ESYT2: variants seen among roughly 807,000 people sequenced by gnomAD.
The protein encoded by ESYT2 is extended synaptotagmin 2.
Under a neutral mutation model 107.2 loss-of-function variants are expected in ESYT2, and 54 were observed. The observed-to-expected ratio is 0.50, with a 90% CI of 0.40 to 0.63. ESYT2 has a LOEUF of 0.63. Ranked by LOEUF, ESYT2 falls within the 30% of genes least tolerant of loss-of-function variation. ESYT2 has a pLI of 0.00. For missense variants in ESYT2, 1,020 were observed against 1,094.5 expected (o/e 0.93, Z 0.96); for synonymous variants, 491 against 434.1 (o/e 1.13, Z -1.63).
intron 7 of ESYT2, among the ~76,000 whole-genome samples, chr7:158,768,130 G>T (rs1838227987): frequency 6.6e-6 from 1 of 152,082 alleles, no homozygotes. Context: ...CTTCATCACA[G>T]ATTTTATACT....
intron 13 of ESYT2, among the ~76,000 whole-genome samples, chr7:158,758,659 G>A (rs760867279): frequency 2.6e-5 from 4 of 152,230 alleles, no homozygotes; most frequent in South Asian, 2.1e-4. Flanking sequence ...CAACAAAAGC[G>A]GCTGTGGACA....
chr7:158,782,963 G>T (rs1838969990), intron 6 of ESYT2, among the ~76,000 whole-genome samples: 1 of 152,212 alleles, frequency 6.6e-6, no homozygotes, highest in South Asian at 2.1e-4. Flanking sequence ...CACCAGCAGG[G>T]CCCGATAAAG....
chr7:158,803,673 A>G (rs1839711562), intron 1 of ESYT2, among the ~76,000 whole-genome samples: 2 of 152,218 alleles, frequency 1.3e-5, no homozygotes, highest in Admixed American at 1.3e-4. Context: ...ACAGCACAAC[A>G]AAAGGGAGTC....
chr7:158,748,101 C>T (rs531475124), intron 16 of ESYT2, 93 bp downstream of exon 16: 1 of 1,122,672 alleles, frequency 8.9e-7, no homozygotes, highest in South Asian at 1.3e-5. Context: ...GATGGATCCC[C>T]AGGTGTATAC....
intron 7 of ESYT2, among the ~76,000 whole-genome samples, chr7:158,769,641 C>T (rs1462746703): frequency 6.6e-6 from 1 of 152,196 alleles, no homozygotes; most frequent in Admixed American, 6.5e-5. Context: ...CAACACTCAG[C>T]TTAGAGACGC....
intron 15 of ESYT2, among the ~76,000 whole-genome samples, 192 bp from the exon 16 acceptor site, chr7:158,748,472 A>T (rs1837477510): frequency 6.6e-6 from 1 of 152,214 alleles, no homozygotes; most frequent in Non-Finnish European, 1.5e-5. Flanking sequence ...TTGATGGTGG[A>T]TGTGTTGAAA....
At chr7:158,770,183 G>A (rs1043025240) in intron 7 of ESYT2, among the ~76,000 whole-genome samples, 7 of 151,822 alleles carry the variant, frequency 4.6e-5, no homozygotes, top group African/African-American at 1.2e-4. Flanking sequence ...GAGCCACCGC[G>A]TTCAGCCTCA....
At chr7:158,805,170 C>T (rs1388290891) in intron 1 of ESYT2, among the ~76,000 whole-genome samples, 1 of 152,088 alleles carries the variant, frequency 6.6e-6, no homozygotes, top group African/African-American at 2.4e-5. Context: ...AATTTGGTAC[C>T]AACACAAATT....
At chr7:158,811,478 C>A (rs1406143784) in intron 1 of ESYT2, among the ~76,000 whole-genome samples, 1 of 152,174 alleles carries the variant, frequency 6.6e-6, no homozygotes, top group African/African-American at 2.4e-5. Flanking sequence ...ACTAGTTAAT[C>A]ACTGAGAAAT....
At chr7:158,826,807 G>A (rs1310880623) in intron 1 of ESYT2, among the ~76,000 whole-genome samples, 3 of 105,730 alleles carry the variant, frequency 2.8e-5, no homozygotes, top group African/African-American at 3.8e-5. Flanking sequence ...GCAACAGAGC[G>A]AGATTCCGTC....
intron 6 of ESYT2, among the ~76,000 whole-genome samples, chr7:158,783,439 A>G (rs1838996891): frequency 6.6e-6 from 1 of 152,172 alleles, no homozygotes; most frequent in Non-Finnish European, 1.5e-5. Flanking sequence ...ATACAAACTC[A>G]GGGCTCCCAC....
intron 1 of ESYT2, among the ~76,000 whole-genome samples, chr7:158,821,550 A>ACAGTAATC (rs1444272941): frequency 6.6e-6 from 1 of 152,224 alleles, no homozygotes; most frequent in African/African-American, 2.4e-5. Context: ...TAAAAGCACG[A>ACAGTAATC]CAGTAATCCC....
intron 14 of ESYT2, among the ~76,000 whole-genome samples, chr7:158,750,810 C>CT (rs1469589297): frequency 2.0e-5 from 3 of 152,178 alleles, no homozygotes; most frequent in African/African-American, 7.2e-5. Context: ...GCTAACCTCC[C>CT]TTGCAGTCAG....
At position 158,828,957 on chromosome 7, in the gene ESYT2, G is replaced by A. The variant is rs539192689; in HGVS notation, c.330+132C>T. The A allele has an allele frequency of 8.1e-4, 1,127 of 1,397,952 alleles. 12 individuals carry two copies. The African/African-American group carries it at 0.015, about 19-fold the overall frequency. 86.6% of individuals were successfully genotyped at this position (1,397,952 alleles called of 1,614,324 possible). On this transcript the variant is annotated intron_variant, in intron 1 of 22. Coordinates refer to ENST00000275418, the MANE Select transcript of ESYT2 (RefSeq NM_001367773.1). ...ACCGGGGTGGGTGGGGGACTACGAA[G>A]GCGGGAGCCGGGGCAGGGCTGGGGT...
At chr7:158,768,060 T>G (rs1273614517) in intron 7 of ESYT2, among the ~76,000 whole-genome samples, 1 of 152,204 alleles carries the variant, frequency 6.6e-6, no homozygotes. Flanking sequence ...AAACTGCAAA[T>G]ACTTTTGCAC....
chr7:158,783,613 G>A lies in ESYT2; in HGVS notation c.747+4391C>T, dbSNP rs138824331. On this transcript the variant is annotated intron_variant, in intron 6 of 22. Coordinates refer to ENST00000275418, the MANE Select transcript of ESYT2 (RefSeq NM_001367773.1). ...AGCGTGAAACCCCTCCTTCGGGGCA[G>A]CTCTGAGGGAGGAGAGGCAGGAGTG... 4.6e-3 allele frequency among the ~76,000 whole-genome samples: 703 copies of A among 152,354 alleles called. 5 individuals carry two copies. Among genetic ancestry groups the A allele is most frequent in the African/African-American group, 0.015 (643 of 41,588 alleles).
chr7:158,765,599 G>A (rs997860283), intron 8 of ESYT2, among the ~76,000 whole-genome samples: 3 of 152,050 alleles, frequency 2.0e-5, no homozygotes, highest in African/African-American at 7.2e-5. Context: ...AGCCAGGCAT[G>A]GTGGCGCATG....
chr7:158,796,180 T>TGATA (rs1162930580), intron 3 of ESYT2, among the ~76,000 whole-genome samples: 1 of 152,226 alleles, frequency 6.6e-6, no homozygotes, highest in African/African-American at 2.4e-5. Flanking sequence ...ACTGTGTGTG[T>TGATA]GTTTACAAGA....
chr7:158,768,991 C>G (rs956291378), intron 7 of ESYT2, among the ~76,000 whole-genome samples: 2 of 152,164 alleles, frequency 1.3e-5, no homozygotes, highest in Admixed American at 6.5e-5. Flanking sequence ...TGTATAACAC[C>G]TTTACCTGAA....
Sources: gnomAD v4.1 joint callset for allele counts (sites outside exome capture counted in the v4.1 genomes callset) on GRCh38, gnomAD v4.1.1 for gene constraint, MANE v1.5 for transcripts, NCBI Gene and HGNC (gene_info 2026-07-23, HGNC 2026-07-21) for gene names.